LINGO2: variants seen among roughly 807,000 people sequenced by gnomAD.
LINGO2 encodes leucine-rich repeat and immunoglobulin-like domain-containing nogo receptor-interacting protein 2.
In LINGO2, 14 loss-of-function variants were observed where a neutral mutation model predicts 30.6. That is an observed-to-expected ratio of 0.46 (90% CI 0.30 to 0.72). The LOEUF (loss-of-function observed/expected upper bound fraction) is 0.72. Among genes scored for constraint, LINGO2 ranks in the 30% least tolerant of loss-of-function variants. The pLI is 0.07. For synonymous variants in LINGO2, 317 were observed against 288.5 expected (o/e 1.10, Z -1.00); for missense variants, 729 against 751.7 (o/e 0.97, Z 0.35).
the LINGO2 span, among the ~76,000 whole-genome samples, chr9:28,720,218 T>A: frequency 6.6e-6 from 1 of 152,134 alleles, no homozygotes; most frequent in East Asian, 1.9e-4. Flanking sequence ...CATTTTTTTA[T>A]ATAGTCCTTT....
intron 4 of LINGO2, among the ~76,000 whole-genome samples, chr9:28,118,664 C>T (rs1487308187): frequency 1.3e-5 from 2 of 152,120 alleles, no homozygotes; most frequent in Non-Finnish European, 2.9e-5. Flanking sequence ...ATAATTGCAG[C>T]ATTCATATAC....
At chr9:28,987,227 T>C in the LINGO2 span, among the ~76,000 whole-genome samples, 3 of 152,018 alleles carry the variant, frequency 2.0e-5, no homozygotes, top group African/African-American at 7.2e-5. Flanking sequence ...TCCTTCCTCA[T>C]TATTGGTCTG....
At chr9:28,866,926 T>A in the LINGO2 span, among the ~76,000 whole-genome samples, 4 of 152,210 alleles carry the variant, frequency 2.6e-5, no homozygotes, top group African/African-American at 9.6e-5. Flanking sequence ...TATAGTTTAT[T>A]TTCTAGATTC....
the LINGO2 span, among the ~76,000 whole-genome samples, chr9:29,198,726 T>C: frequency 6.6e-6 from 1 of 152,120 alleles, no homozygotes; most frequent in Non-Finnish European, 1.5e-5. Context: ...TGTAAATGTT[T>C]CCTGAAGACT....
intron 1 of LINGO2, among the ~76,000 whole-genome samples, chr9:28,653,304 C>T (rs1828192319): frequency 6.6e-6 from 1 of 152,102 alleles, no homozygotes. Flanking sequence ...CTAGGGGCCT[C>T]TTCAGTCACC....
the LINGO2 span, among the ~76,000 whole-genome samples, chr9:29,189,312 G>T: frequency 6.7e-6 from 1 of 149,944 alleles, no homozygotes; most frequent in African/African-American, 2.5e-5. Flanking sequence ...GCTGCCGGGC[G>T]GAGACGCTCC....
chr9:29,136,104 C>T, the LINGO2 span, among the ~76,000 whole-genome samples: 2 of 152,186 alleles, frequency 1.3e-5, no homozygotes, highest in African/African-American at 4.8e-5. Flanking sequence ...TTCTGGCTGA[C>T]ACTTTCTTTC....
chr9:28,152,764 A>C (rs1160853539), intron 4 of LINGO2, among the ~76,000 whole-genome samples: 1 of 152,226 alleles, frequency 6.6e-6, no homozygotes, highest in African/African-American at 2.4e-5. Flanking sequence ...AATGCAACAT[A>C]CTAGGAGCAA....
At chr9:29,171,462 T>C in the LINGO2 span, among the ~76,000 whole-genome samples, 1 of 152,046 alleles carries the variant, frequency 6.6e-6, no homozygotes, top group Non-Finnish European at 1.5e-5. Flanking sequence ...TTGGGCATCT[T>C]GGTATTTGGA....
chr9:28,471,751 A>G (rs985811551), intron 2 of LINGO2, among the ~76,000 whole-genome samples: 2 of 152,216 alleles, frequency 1.3e-5, no homozygotes, highest in African/African-American at 4.8e-5. Flanking sequence ...TTGGGAAACT[A>G]GCATCTGTCT....
intron 1 of LINGO2, among the ~76,000 whole-genome samples, chr9:28,525,116 ATC>A (rs1820970150): frequency 6.6e-6 from 1 of 152,212 alleles, no homozygotes. Context: ...AATACTCGAC[ATC>A]ACTAGTCAAT....
intron 3 of LINGO2, among the ~76,000 whole-genome samples, chr9:28,345,957 G>C (rs1351808770): frequency 6.6e-6 from 1 of 152,108 alleles, no homozygotes; most frequent in Admixed American, 6.6e-5. Flanking sequence ...CAAAGAAAAA[G>C]ATTTATAAAA....
At chr9:28,149,504 G>GCCC in intron 4 of LINGO2, among the ~76,000 whole-genome samples, 1 of 151,292 alleles carries the variant, frequency 6.6e-6, no homozygotes, top group African/African-American at 2.4e-5. Flanking sequence ...CCTCTGCCCA[G>GCCC]CCGCCTCACA....
intron 4 of LINGO2, among the ~76,000 whole-genome samples, chr9:28,268,742 T>C (rs966335946): frequency 4.6e-5 from 7 of 152,102 alleles, no homozygotes; most frequent in African/African-American, 1.7e-4. Context: ...ACTGAATAAA[T>C]ATTTTTCTGT....
intron 1 of LINGO2, among the ~76,000 whole-genome samples, chr9:28,483,847 T>G (rs142727577): frequency 6.6e-6 from 1 of 152,098 alleles, no homozygotes; most frequent in Non-Finnish European, 1.5e-5. Context: ...ACTGTTAACC[T>G]AAAAAGATTG....
chr9:29,133,591 AT>A, the LINGO2 span, among the ~76,000 whole-genome samples: 4 of 152,144 alleles, frequency 2.6e-5, no homozygotes, highest in East Asian at 1.9e-4. Context: ...CTAGTCCATC[AT>A]TTTTTTTAAA....
At chr9:29,120,887 T>C in the LINGO2 span, among the ~76,000 whole-genome samples, 1 of 152,194 alleles carries the variant, frequency 6.6e-6, no homozygotes, top group Non-Finnish European at 1.5e-5. Flanking sequence ...AGGTATCTAA[T>C]GCTGTCAGCA....
the LINGO2 span, among the ~76,000 whole-genome samples, chr9:29,192,653 G>T: frequency 3.3e-5 from 5 of 152,044 alleles, no homozygotes; most frequent in African/African-American, 9.7e-5. Context: ...ACTATATATT[G>T]TTAATACATC....
At chr9:29,146,874 A>G in the LINGO2 span, among the ~76,000 whole-genome samples, 5 of 152,208 alleles carry the variant, frequency 3.3e-5, no homozygotes, top group Non-Finnish European at 5.9e-5. Flanking sequence ...AAACAACTCT[A>G]AAACACTGTA....
Sources: gnomAD v4.1 joint callset for allele counts (sites outside exome capture counted in the v4.1 genomes callset) on GRCh38, gnomAD v4.1.1 for gene constraint, MANE v1.5 for transcripts, NCBI Gene and HGNC (gene_info 2026-07-23, HGNC 2026-07-21) for gene names.